Variants in CNTRL observed in about 807,000 individuals in gnomAD.
CNTRL encodes 110 kDa centrosomal protein.
CNTRL carries 233 observed loss-of-function variants against 303.7 expected under a neutral mutation model. The ratio of observed to expected loss-of-function variants is 0.77; its 90% CI spans 0.69 to 0.86. The LOEUF (loss-of-function observed/expected upper bound fraction) is 0.86. CNTRL is among the 40% of genes least tolerant of loss of function. The pLI is 0.00. For synonymous variants in CNTRL, 900 were observed against 922.2 expected (o/e 0.98, Z 0.44); for missense variants, 2,524 against 2,650.6 (o/e 0.95, Z 1.05).
chr9:121,148,568 T>G, intron 23 of CNTRL, 104 bp from the exon 24 acceptor site: 2 of 1,070,186 alleles, frequency 1.9e-6, no homozygotes, highest in South Asian at 3.2e-5. Context: ...GCCAAGTTCT[T>G]TCTCAACCTT....
intron 42 of CNTRL, among the ~76,000 whole-genome samples, chr9:121,174,513 G>C (rs963496444): frequency 1.3e-5 from 2 of 152,200 alleles, no homozygotes; most frequent in Non-Finnish European, 2.9e-5. Flanking sequence ...CATCATTGCA[G>C]AAAGTTCTGT....
intron 42 of CNTRL, 125 bp from the exon 43 acceptor site, chr9:121,174,893 G>A (rs1249133123): frequency 3.7e-6 from 3 of 803,546 alleles, no homozygotes; most frequent in East Asian, 4.9e-5. Context: ...TTTTAAAGAT[G>A]AGCATTTTTG....
intron 14 of CNTRL, among the ~76,000 whole-genome samples, chr9:121,132,646 A>C (rs2050934401): frequency 6.6e-6 from 1 of 152,198 alleles, no homozygotes; most frequent in Admixed American, 6.5e-5. Flanking sequence ...AGCTCATCAG[A>C]GTCATTCTCC....
At chr9:121,162,449 T>G (rs77792825) in intron 34 of CNTRL, 178 bp downstream of exon 34, 3 of 602,656 alleles carry the variant, frequency 5.0e-6, no homozygotes, top group South Asian at 3.8e-5. Context: ...TTTTTTTTTT[T>G]GCTCAAAAGC....
At chr9:121,122,031 ACT>A (rs1349380746) in intron 12 of CNTRL, 1 of 538,850 alleles carries the variant, frequency 1.9e-6, no homozygotes, top group Non-Finnish European at 2.4e-6. Context: ...TTTTACAATA[ACT>A]CTTTTGTGAG....
intron 14 of CNTRL, among the ~76,000 whole-genome samples, chr9:121,134,066 G>A (rs1259322776): frequency 1.3e-5 from 2 of 152,066 alleles, no homozygotes; most frequent in East Asian, 1.9e-4. Context: ...AAATAGTTTG[G>A]TGAACATCTG....
At chr9:121,096,795 T>C (rs2048912396) in intron 6 of CNTRL, among the ~76,000 whole-genome samples, 1 of 152,164 alleles carries the variant, frequency 6.6e-6, no homozygotes, top group African/African-American at 2.4e-5. Flanking sequence ...TTTACATTTA[T>C]CATTTCATGT....
chr9:121,151,384 CTTCTTTTTTTT>C (rs1403811159), intron 25 of CNTRL, among the ~76,000 whole-genome samples: 2 of 91,520 alleles, frequency 2.2e-5, no homozygotes, highest in South Asian at 6.8e-4. Context: ...CTTTTTTCTT[CTTCTTTTTTTT>C]TTTTTTTTTT....
chr9:121,167,509 G>T lies in CNTRL; in HGVS notation c.5676G>T (p.Lys1892Asn). The change falls in exon 37 of 44, where the codon AAG becomes AAT. Residue 1892 changes from lysine to asparagine, a missense_variant. Physicochemically the swap from Lys to Asn is moderately conservative, Grantham distance 94. Transcript: ENST00000373855. ...LAKQDLLHTT[K>N]HQDVLLSEQT... Reference sequence around the variant, plus strand: ...TAAAGGACCTGCTTCACACCACCAAGCATCAGGATGTGTTGCTCAGTGAGC... The same window carrying T: ...TAAAGGACCTGCTTCACACCACCAATCATCAGGATGTGTTGCTCAGTGAGC... 1 of 1,613,528 alleles carries T rather than the reference G, an allele frequency of 6.2e-7. No individual in the cohort carries two copies. Among genetic ancestry groups the T allele is most frequent in the Non-Finnish European group, 8.5e-7 (1 of 1,179,794 alleles).
rs141733910 is a variant in CNTRL, at chr9:121,120,272, C to G, written c.1650+1732C>G. 5.5e-3 allele frequency among the ~76,000 whole-genome samples: 832 copies of G among 151,816 alleles called. 6 individuals are homozygous for G. The highest frequency in any genetic ancestry group is 0.019 in the African/African-American group (785 of 41,388). ...CATATCATATATATTTTTTTGTGGG[C>G]CAGCTAATTTCAATAAAGGATAACC... On this transcript the variant is annotated intron_variant, in intron 12 of 43. Coordinates refer to ENST00000373855, the MANE Select transcript of CNTRL (RefSeq NM_007018.6).
intron 11 of CNTRL, among the ~76,000 whole-genome samples, chr9:121,116,313 T>C (rs1487147641): frequency 6.6e-6 from 1 of 152,056 alleles, no homozygotes; most frequent in Non-Finnish European, 1.5e-5. Context: ...AGGGAGAGTG[T>C]AGAGGAAGAT....
chr9:121,166,209 A>C, intron 36 of CNTRL, 29 bp downstream of exon 36: 1 of 1,475,870 alleles, frequency 6.8e-7, no homozygotes, highest in Non-Finnish European at 9.4e-7. Context: ...ATATTCTAGT[A>C]GTATACTGAG....
rs775648782 is a variant in CNTRL, at chr9:121,150,398, T to G, written c.3878T>G (p.Val1293Gly). The G allele has an allele frequency of 1.2e-6, 2 of 1,613,950 alleles. No homozygotes were observed. Among genetic ancestry groups the G allele is most frequent in the African/African-American group, 2.7e-5 (2 of 74,900 alleles). Residue 1293 changes from valine (V) to glycine (G), a missense_variant, in exon 25 of 44, where the codon GTG becomes GGG. Physicochemically the swap from Val to Gly is moderately radical, Grantham distance 109. Coordinates refer to ENST00000373855, the MANE Select transcript of CNTRL (RefSeq NM_007018.6). ...CCACCTCCTGCTGGGGCCCCCATGG[T>G]GTATGGGCCTCCACCCCCCAACTTC... ...YGPPPAGAPM[V>G]YGPPPPNFSI...
intron 12 of CNTRL, among the ~76,000 whole-genome samples, chr9:121,123,329 C>T (rs2133433423): frequency 6.6e-6 from 1 of 152,244 alleles, no homozygotes; most frequent in South Asian, 2.1e-4. Flanking sequence ...CCTGTAATCC[C>T]AGCGATTTGG....
At chr9:121,158,703 AT>A in intron 30 of CNTRL, 151 bp from the exon 31 acceptor site, 1 of 693,514 alleles carries the variant, frequency 1.4e-6, no homozygotes. Flanking sequence ...TTCATTAGGC[AT>A]TTCACCCTTG....
At chr9:121,167,874 C>G (rs1490743209) in intron 37 of CNTRL, among the ~76,000 whole-genome samples, 197 bp downstream of exon 37, 1 of 152,128 alleles carries the variant, frequency 6.6e-6, no homozygotes, top group East Asian at 1.9e-4. Flanking sequence ...GAACATCAGT[C>G]CTGTAAAGAT....
intron 32 of CNTRL, chr9:121,161,364 G>T: frequency 2.5e-6 from 1 of 398,086 alleles, no homozygotes; most frequent in Non-Finnish European, 4.6e-6. Flanking sequence ...CCAAAAAATT[G>T]TTATATAAAT....
At chr9:121,133,703 T>A (rs1290862296) in intron 14 of CNTRL, among the ~76,000 whole-genome samples, 1 of 152,182 alleles carries the variant, frequency 6.6e-6, no homozygotes, top group African/African-American at 2.4e-5. Flanking sequence ...GTACCTCAGT[T>A]GGAAATGCAG....
intron 12 of CNTRL, 52 bp downstream of exon 12, chr9:121,118,592 A>C: frequency 1.3e-4 from 185 of 1,392,280 alleles, no homozygotes; most frequent in Middle Eastern, 1.9e-4. Flanking sequence ...TACATGTCTC[A>C]TCATTGTTAG....
Sources: allele counts gnomAD v4.1 joint callset (sites outside exome capture counted in the v4.1 genomes callset), GRCh38; gene constraint gnomAD v4.1.1; transcripts MANE v1.5; gene names NCBI Gene and HGNC (gene_info 2026-07-23, HGNC 2026-07-21).